Variants in GYG1 observed in about 807,000 individuals in gnomAD.
GYG1 encodes glycogenin 1.
A neutral mutation model predicts 41.9 loss-of-function variants in GYG1; 44 were observed. That is an observed-to-expected ratio of 1.05 (90% CI 0.83 to 1.35). The LOEUF (loss-of-function observed/expected upper bound fraction) is 1.35, where lower values mean the gene tolerates loss of function less well. Ranked by LOEUF, GYG1 falls within the 40% of genes most tolerant of loss-of-function variation. The pLI, the probability that GYG1 is intolerant of heterozygous loss-of-function variation, is 0.00. For missense variants in GYG1, 429 were observed against 418.9 expected (o/e 1.02, Z -0.21); for synonymous variants, 141 against 158.1 (o/e 0.89, Z 0.81).
intron 5 of GYG1, among the ~76,000 whole-genome samples, chr3:149,022,790 G>T (rs567851089): frequency 6.6e-6 from 1 of 151,798 alleles, no homozygotes; most frequent in African/African-American, 2.4e-5. Context: ...CACCGTACCC[G>T]GCCTGTTTTG....
chr3:148,994,915 T>C (rs1484397895), intron 2 of GYG1, among the ~76,000 whole-genome samples: 1 of 152,236 alleles, frequency 6.6e-6, no homozygotes, highest in Admixed American at 6.5e-5. Flanking sequence ...GTGTGATGGC[T>C]CATGCCTGTA....
chr3:149,000,370 C>T (rs1483549910), intron 4 of GYG1, among the ~76,000 whole-genome samples: 1 of 152,178 alleles, frequency 6.6e-6, no homozygotes, highest in African/African-American at 2.4e-5. Flanking sequence ...TGAACAATAG[C>T]TGTTGTGAAA....
At chr3:149,010,946 T>G (rs1157834624) in intron 5 of GYG1, among the ~76,000 whole-genome samples, 2 of 152,202 alleles carry the variant, frequency 1.3e-5, no homozygotes, top group African/African-American at 4.8e-5. Flanking sequence ...AATAAGCATG[T>G]CTGGCTTTTT....
At chr3:149,018,105 G>T (rs1434827507) in intron 5 of GYG1, among the ~76,000 whole-genome samples, 1 of 151,932 alleles carries the variant, frequency 6.6e-6, no homozygotes, top group Non-Finnish European at 1.5e-5. Flanking sequence ...ATTTTGGTAT[G>T]GTAATTCTCG....
intron 2 of GYG1, among the ~76,000 whole-genome samples, chr3:148,994,531 G>C (rs1023304514): frequency 1.3e-5 from 2 of 152,184 alleles, no homozygotes; most frequent in Non-Finnish European, 2.9e-5. Flanking sequence ...GGGGAAAGAA[G>C]GAGTCGTCTT....
Position 149,009,359 on chromosome 3 carries a change from C to G in GYG1, c.565C>G (p.Leu189Val), listed in dbSNP as rs780571412. 3 of 1,612,128 alleles carry G rather than the reference C, an allele frequency of 1.9e-6. No homozygotes were observed. The highest frequency in any genetic ancestry group is 1.7e-5 in the Admixed American group (1 of 60,006). Reference sequence around the variant, plus strand: ...AAAACACCTGCCGTTTATTTATAACCTAAGCAGCATCTCTATATACTCCTA... The same window carrying G: ...AAAACACCTGCCGTTTATTTATAACGTAAGCAGCATCTCTATATACTCCTA... ...IRKHLPFIYN[L>V]SSISIYSYLP... is the part of the protein sequence containing the mutation. Residue 189 changes from leucine to valine, a missense_variant, in exon 5 of 8, where the codon CTA (leucine) becomes GTA (valine). Physicochemically the swap from Leu to Val is conservative, Grantham distance 32. Transcript: ENST00000345003.
rs748528770 is a variant in GYG1 at position 149,029,483 on chromosome 3, C to T, written c.*2550C>T. Among the ~76,000 whole-genome samples the T allele has an allele frequency of 4.6e-5, 7 of 151,666 alleles. No homozygotes were observed. Among genetic ancestry groups the T allele is most frequent in the Admixed American group, 2.6e-4 (4 of 15,244 alleles). ...GTAAATGTTTGTTTACCTTAATTCT[C>T]CTTATACCCATATTGTCCTGCTGTA... On this transcript the variant is annotated 3_prime_UTR_variant, in exon 8 of 8. Coordinates refer to ENST00000345003, the MANE Select transcript of GYG1 (RefSeq NM_004130.4).
chr3:149,011,237 G>A (rs775270952), intron 5 of GYG1, among the ~76,000 whole-genome samples: 3 of 152,230 alleles, frequency 2.0e-5, no homozygotes, highest in Non-Finnish European at 2.9e-5. Flanking sequence ...AAATACAAAC[G>A]TGTCTCACAT....
At chr3:148,994,610 A>C (rs1712685164) in intron 2 of GYG1, among the ~76,000 whole-genome samples, 1 of 152,172 alleles carries the variant, frequency 6.6e-6, no homozygotes, top group African/African-American at 2.4e-5. Flanking sequence ...ATACACCTTT[A>C]CACAGTCACA....
Position 148,997,054 on chromosome 3 carries a change from T to TTGTGTGTG in GYG1, c.481+172_481+179dup, listed in dbSNP as rs10571382. ...TTAAGTTGTGCTCTTCTGGGAAATA[T>TTGTGTGTG]TGTGTGTGTGTGTGTGTGTGTGTGT... On this transcript the variant is annotated intron_variant, in intron 4 of 7. Coordinates refer to ENST00000345003, the MANE Select transcript of GYG1 (RefSeq NM_004130.4). 0.021 allele frequency: 12,998 copies of TTGTGTGTG among 606,362 alleles called. 105 individuals are homozygous for TTGTGTGTG. Among genetic ancestry groups the TTGTGTGTG allele is most frequent in the African/African-American group, 0.039 (2,096 of 53,450 alleles). The allele number at this position is 606,362 out of a possible 1,614,324, so 37.6% of individuals were successfully genotyped here. A position where few individuals can be genotyped will look rare whatever the true frequency, so the allele number is the denominator to read the frequency against.
intron 4 of GYG1, among the ~76,000 whole-genome samples, chr3:149,005,748 G>A (rs1019711004): frequency 5.3e-5 from 8 of 152,136 alleles, no homozygotes. Context: ...AATTGTAAGA[G>A]TTTTTTAAAA....
intron 5 of GYG1, among the ~76,000 whole-genome samples, chr3:149,014,100 C>G (rs1185009112): frequency 6.6e-6 from 1 of 151,964 alleles, no homozygotes; most frequent in East Asian, 1.9e-4. Context: ...ATGGCACAGT[C>G]TGTCATGGTT....
intron 4 of GYG1, among the ~76,000 whole-genome samples, chr3:149,002,041 G>A (rs751394119): frequency 6.6e-5 from 10 of 152,060 alleles, no homozygotes; most frequent in East Asian, 1.9e-4. Context: ...ATACTTTGTC[G>A]TTTAAAATCA....
At chr3:149,007,388 A>C (rs1346195192) in intron 4 of GYG1, among the ~76,000 whole-genome samples, 1 of 152,242 alleles carries the variant, frequency 6.6e-6, no homozygotes, top group East Asian at 1.9e-4. Flanking sequence ...TAGAACTTAT[A>C]AGAGTGAAAC....
chr3:149,026,821 C>A lies in GYG1; in HGVS notation c.941C>A (p.Pro314Gln). Residue 314 changes from proline to glutamine, a missense_variant, in exon 8 of 8, where the codon CCG (proline) becomes CAG (glutamine). Physicochemically the swap from Pro to Gln is moderately conservative, Grantham distance 76. Coordinates refer to ENST00000345003, the MANE Select transcript of GYG1 (RefSeq NM_004130.4). ...GGGGAGATCCCAGCTATGGCACAGC[C>A]GTTTGTATCCTCGGAAGAACGGAAG... is the stretch of plus-strand genomic sequence containing the variant. ...SLGEIPAMAQ[P>Q]FVSSEERKER... The A allele has an allele frequency of 6.2e-7, 1 of 1,613,952 alleles. No individual in the cohort carries two copies. The highest frequency in any genetic ancestry group is 8.5e-7 in the Non-Finnish European group (1 of 1,179,872).
At chr3:149,014,728 C>T (rs746297804) in intron 5 of GYG1, among the ~76,000 whole-genome samples, 7 of 151,728 alleles carry the variant, frequency 4.6e-5, no homozygotes, top group African/African-American at 7.3e-5. Flanking sequence ...ATTAGCTGGG[C>T]GTAGTGGTGC....
rs1712782390 is a variant in GYG1 at position 148,996,320 on chromosome 3, CTT to C, written c.164_165del (p.Phe55Ter). On this transcript the variant is annotated frameshift_variant, in exon 3 of 8. Transcript: ENST00000345003. LOFTEE classifies it high-confidence loss of function. Reference protein sequence around the residue: ...DSMRKVLETVFDEVIMVDVLD... With the variant: ...DSMRKVLETVXDEVIMVDVLD... ...TTGACAGAAAAGTTTTAGAGACAGT[CTT>C]TGATGAAGTCATCATGGTAGATGTC... 16 of 1,611,236 alleles carry C rather than the reference CTT, an allele frequency of 9.9e-6. No individual in the cohort carries two copies. Among genetic ancestry groups the C allele is most frequent in the Non-Finnish European group, 1.4e-5 (16 of 1,179,058 alleles).
chr3:149,009,466 T>C, intron 5 of GYG1, 64 bp downstream of exon 5: 1 of 1,476,476 alleles, frequency 6.8e-7, no homozygotes. Context: ...GTGTACAATT[T>C]TGGGGCTGCT....
intron 5 of GYG1, among the ~76,000 whole-genome samples, chr3:149,013,504 T>A (rs1025790425): frequency 1.2e-4 from 19 of 152,232 alleles, no homozygotes; most frequent in African/African-American, 4.8e-5. Flanking sequence ...GTACAAAGCC[T>A]CATTCACCCA....
Sources: gnomAD v4.1 joint callset for allele counts (sites outside exome capture counted in the v4.1 genomes callset) on GRCh38, gnomAD v4.1.1 for gene constraint, MANE v1.5 for transcripts, NCBI Gene and HGNC (gene_info 2026-07-23, HGNC 2026-07-21) for gene names.